Variants in PAQR5 observed in about 807,000 individuals in gnomAD.
PAQR5 encodes membrane progestin receptor gamma.
A neutral mutation model predicts 34.5 loss-of-function variants in PAQR5; 20 were observed. The observed-to-expected ratio is 0.58, with a 90% CI of 0.41 to 0.84. The LOEUF is 0.84. PAQR5 is among the 40% of genes least tolerant of loss of function. PAQR5 has a pLI of 0.00. For synonymous variants in PAQR5, 131 were observed against 155.6 expected (o/e 0.84, Z 1.18); for missense variants, 378 against 412.7 (o/e 0.92, Z 0.73).
intron 1 of PAQR5, among the ~76,000 whole-genome samples, chr15:69,328,269 T>C (rs2054298882): frequency 6.6e-6 from 1 of 152,244 alleles, no homozygotes. Flanking sequence ...GTACATTATT[T>C]CATTTAATCT....
At chr15:69,313,492 T>A (rs922389131) in intron 1 of PAQR5, among the ~76,000 whole-genome samples, 1 of 152,072 alleles carries the variant, frequency 6.6e-6, no homozygotes, top group Admixed American at 6.6e-5. Flanking sequence ...AGAGTGAGAC[T>A]CTGTCTCAAA....
rs550767614 is a variant in PAQR5, at chr15:69,337,711, T to C, written c.-116+210T>C. 2.0e-4 allele frequency among the ~76,000 whole-genome samples: 30 copies of C among 149,934 alleles called. No individual in the cohort carries two copies. In the South Asian group the frequency reaches 6.1e-3, roughly 30 times the overall value. On this transcript the variant is annotated intron_variant, in intron 2 of 8. Coordinates refer to ENST00000395407, the MANE Select transcript of PAQR5 (RefSeq NM_017705.4). ...AGCCTAAGTGAAAAATAATTATTCT[T>C]GCTGCACTTTATGCAAATCATCAGG...
intron 3 of PAQR5, among the ~76,000 whole-genome samples, chr15:69,366,223 G>T (rs1284739683): frequency 2.0e-5 from 3 of 152,152 alleles, no homozygotes; most frequent in Admixed American, 2.0e-4. Context: ...GGCCTTTTCT[G>T]ACTGCCTTCT....
At chr15:69,363,146 G>A (rs1448869946) in intron 3 of PAQR5, among the ~76,000 whole-genome samples, 1 of 152,132 alleles carries the variant, frequency 6.6e-6, no homozygotes, top group African/African-American at 2.4e-5. Flanking sequence ...TCACTACCCT[G>A]TCTGGGCCTC....
intron 1 of PAQR5, among the ~76,000 whole-genome samples, chr15:69,325,686 C>T (rs2054234417): frequency 6.6e-6 from 1 of 152,192 alleles, no homozygotes; most frequent in African/African-American, 2.4e-5. Context: ...CAGGTGCAAA[C>T]TCGGAACTAC....
Position 69,404,536 on chromosome 15 carries a change from G to C in PAQR5, c.*714G>C, listed in dbSNP as rs940907689. ...GTGTTCTGTTATGTTCTGTTTTCTG[G>C]TTGCCAGTTTGATCTGCAAAGTATT... On this transcript the variant is annotated 3_prime_UTR_variant, in exon 9 of 9. Transcript: ENST00000395407. 1 of 159,444 alleles carries C rather than the reference G, an allele frequency of 6.3e-6. No homozygotes were observed. The highest frequency in any genetic ancestry group is 2.4e-5 in the African/African-American group (1 of 41,770). 9.9% of individuals were successfully genotyped at this position (159,444 alleles called of 1,614,324 possible). A position where few individuals can be genotyped will look rare whatever the true frequency, so the allele number is the denominator to read the frequency against.
In PAQR5 at chr15:69,325,252, C is replaced by T. The variant is rs182986521; in HGVS notation, c.-276-12089C>T. On this transcript the variant is annotated intron_variant, in intron 1 of 8. Coordinates refer to ENST00000395407, the MANE Select transcript of PAQR5 (RefSeq NM_017705.4). The stretch of plus-strand genomic sequence containing the variant: ...CCTGACTCCCTAGCATAATGCCCTC[C>T]TCTGTGTTCCCCTAGAGGCATAACC... Among the ~76,000 whole-genome samples the T allele has an allele frequency of 5.9e-5, 9 of 152,244 alleles. No homozygotes were observed. The East Asian group carries it at 1.7e-3, about 30-fold the overall frequency.
chr15:69,360,002 A>G lies in PAQR5; in HGVS notation c.-79A>G. The G allele has an allele frequency of 8.9e-7, 1 of 1,120,006 alleles. No individual in the cohort carries two copies. The highest frequency in any genetic ancestry group is 1.3e-5 in the South Asian group (1 of 79,304). The allele number at this position is 1,120,006 out of a possible 1,614,324, so 69.4% of individuals were successfully genotyped here. A position where few individuals can be genotyped will look rare whatever the true frequency, so the allele number is the denominator to read the frequency against. On this transcript the variant is annotated 5_prime_UTR_variant, in exon 3 of 9. Coordinates refer to ENST00000395407, the MANE Select transcript of PAQR5 (RefSeq NM_017705.4). ...AGCACCAGCTAGGCAGAGACGCCCC[A>G]GGCCATGTTAGAGCTTTGAGTGAGG...
chr15:69,392,837 G>T (rs1195952906), intron 6 of PAQR5, among the ~76,000 whole-genome samples: 1 of 146,512 alleles, frequency 6.8e-6, no homozygotes, highest in Non-Finnish European at 1.5e-5. Flanking sequence ...CAAGGATGAG[G>T]ACTACAGAGA....
At chr15:69,378,431 T>C in intron 3 of PAQR5, among the ~76,000 whole-genome samples, 1 of 90,518 alleles carries the variant, frequency 1.1e-5, no homozygotes, top group African/African-American at 4.8e-5. Flanking sequence ...ATCAAGACCC[T>C]GTCTCAAAAA....
At chr15:69,351,947 G>A (rs1457455494) in intron 2 of PAQR5, among the ~76,000 whole-genome samples, 4 of 152,218 alleles carry the variant, frequency 2.6e-5, no homozygotes, top group Non-Finnish European at 4.4e-5. Flanking sequence ...TCATTTGGGT[G>A]TGTTACTCTA....
intron 1 of PAQR5, among the ~76,000 whole-genome samples, chr15:69,313,508 C>A (rs1049631318): frequency 2.0e-5 from 3 of 151,860 alleles, no homozygotes; most frequent in African/African-American, 7.3e-5. Context: ...TCAAAAACAG[C>A]GGCAACAACA....
chr15:69,362,769 G>A (rs1408368538), intron 3 of PAQR5, among the ~76,000 whole-genome samples: 1 of 152,100 alleles, frequency 6.6e-6, no homozygotes, highest in African/African-American at 2.4e-5. Flanking sequence ...GGCACTTTGA[G>A]GGGTAGAGCA....
intron 1 of PAQR5, among the ~76,000 whole-genome samples, chr15:69,308,471 G>A (rs553366492): frequency 2.1e-4 from 32 of 152,200 alleles, no homozygotes; most frequent in African/African-American, 6.3e-4. Flanking sequence ...ATTCTTTGTC[G>A]TGTGGGACTG....
Position 69,379,932 on chromosome 15 carries a change from C to T in PAQR5, c.101C>T (p.Ser34Phe). 6.2e-7 allele frequency: 1 copy of T among 1,614,198 alleles called. No homozygotes were observed. Among genetic ancestry groups the T allele is most frequent in the East Asian group, 2.2e-5 (1 of 44,884 alleles). The change falls in exon 4 of 9, where the codon TCT becomes TTT. Residue 34 changes from serine to phenylalanine, a missense_variant. Transcript: ENST00000395407. The stretch of plus-strand genomic sequence containing the variant: ...TTCGGCTACCGCCATCCACAGAGTT[C>T]TGCCACTGCCTGCATCCTCAGCCTT... Reference protein sequence around the residue: ...ILFGYRHPQSSATACILSLFQ... With the variant: ...ILFGYRHPQSFATACILSLFQ...
intron 1 of PAQR5, among the ~76,000 whole-genome samples, chr15:69,334,261 C>T (rs192546290): frequency 2.2e-4 from 33 of 152,276 alleles, no homozygotes; most frequent in African/African-American, 7.7e-4. Flanking sequence ...AGCTCTTGAC[C>T]TCGTGATCCA....
chr15:69,377,389 A>C (rs1351372448), intron 3 of PAQR5, among the ~76,000 whole-genome samples: 1 of 152,198 alleles, frequency 6.6e-6, no homozygotes, highest in African/African-American at 2.4e-5. Flanking sequence ...GAAATCTGCA[A>C]CTCAAGATTC....
intron 2 of PAQR5, among the ~76,000 whole-genome samples, chr15:69,353,301 A>G (rs2054974576): frequency 1.3e-5 from 2 of 152,232 alleles, no homozygotes. Context: ...ACTGGAATAC[A>G]TATTTAATCT....
intron 8 of PAQR5, among the ~76,000 whole-genome samples, chr15:69,402,034 TTTTTA>T (rs1285313556): frequency 4.6e-5 from 7 of 152,150 alleles, no homozygotes; most frequent in Admixed American, 2.6e-4. Context: ...ATGCCCAGCC[TTTTTA>T]TTTTATTTTT....
Sources: allele counts gnomAD v4.1 joint callset (sites outside exome capture counted in the v4.1 genomes callset), GRCh38; gene constraint gnomAD v4.1.1; transcripts MANE v1.5; gene names NCBI Gene and HGNC (gene_info 2026-07-23, HGNC 2026-07-21).